ERV3-1: variants seen among roughly 807,000 people sequenced by gnomAD.
ERV3-1 encodes endogenous retrovirus group 3 member 1, envelope, also known as endogenous retrovirus group 3 member 1 Env polyprotein.
ERV3-1 carries 36 observed loss-of-function variants against 24.6 expected under a neutral mutation model. The ratio of observed to expected loss-of-function variants is 1.47; its 90% CI spans 1.12 to 1.94. The LOEUF is 1.94. Among genes scored for constraint, ERV3-1 ranks in the 30% most tolerant of loss-of-function variants. The pLI is 0.00. For synonymous variants in ERV3-1, 211 were observed against 122.6 expected, an observed-to-expected ratio of 1.72 and a Z score of -4.76; for missense variants, 578 against 330.9, an observed-to-expected ratio of 1.75 and a Z score of -5.79.
chr7:64,992,116 C>T lies in ERV3-1; in HGVS notation c.911G>A (p.Trp304Ter). The T allele has an allele frequency of 1.3e-6, 1 of 766,380 alleles. No homozygotes were observed. Among genetic ancestry groups the T allele is most frequent in the Non-Finnish European group, 2.4e-6 (1 of 417,900 alleles). The allele number at this position is 766,380 out of a possible 1,614,324, so 47.5% of individuals were successfully genotyped here. A position where few individuals can be genotyped will look rare whatever the true frequency, so the allele number is the denominator to read the frequency against. Reference sequence around the variant, plus strand: ...CATTAGTTCCCTTGCTTCCCATGGCCATTGGTCTCCCATGTTCATTCCCCC... The same window carrying T: ...CATTAGTTCCCTTGCTTCCCATGGCTATTGGTCTCCCATGTTCATTCCCCC... Reference protein sequence around the residue: ...VCGGMNMGDQWPWEARELMPQ... With the variant: ...VCGGMNMGDQ Residue 304 changes from tryptophan to a stop codon, truncating the protein, a stop_gained, in exon 2 of 2, where the codon TGG becomes TAG. Transcript: ENST00000394323. LOFTEE classifies it high-confidence loss of function.
rs571664326 is a variant in ERV3-1, at chr7:65,006,643, A to T, written c.-491T>A. ...CTGGGCCTCTAGGAGCAGAAGACAC[A>T]GAGCAGTGAAGACTACACCAGAAGC... On this transcript the variant is annotated 5_prime_UTR_variant, in exon 1 of 2. Transcript: ENST00000394323. 21 of 1,529,672 alleles carry T rather than the reference A, an allele frequency of 1.4e-5. No homozygotes were observed. In the South Asian group the frequency reaches 2.4e-4, roughly 17 times the overall value. The allele number at this position is 1,529,672 out of a possible 1,614,324, so 94.8% of individuals were successfully genotyped here.
rs770274475 is a variant in ERV3-1, at chr7:64,992,073, T to A, written c.954A>T (p.Thr318=). ...ARELMPQDNF[T]LTASSLEPAP... ...CAGGTTCGAGGGAAGAGGCGGTTAG[T>A]GTGAAATTATCTTGGGGCATTAGTT... Residue 318 remains threonine (T), a synonymous_variant, in exon 2 of 2, where the codon ACA becomes ACT. Transcript: ENST00000394323. The A allele has an allele frequency of 1.7e-5, 13 of 766,310 alleles. No individual in the cohort carries two copies. The highest frequency in any genetic ancestry group is 3.4e-5 in the Admixed American group (2 of 59,006). The allele number at this position is 766,310 out of a possible 1,614,324, so 47.5% of individuals were successfully genotyped here.
At position 64,993,038 on chromosome 7, in the gene ERV3-1, GC is replaced by G. The variant is rs1562652681; in HGVS notation, c.-13del. On this transcript the variant is annotated 5_prime_UTR_variant, in exon 2 of 2. Coordinates refer to ENST00000394323, the MANE Select transcript of ERV3-1 (RefSeq NM_001007253.4). Reference sequence around the variant, plus strand: ...TTCATACCCAGCATGGACAGAAAAGGCTTTTTCCTGGGGGGAGAAGGCTAAG... The same window carrying G: ...TTCATACCCAGCATGGACAGAAAAGGTTTTTCCTGGGGGGAGAAGGCTAAG... 1 of 728,152 alleles carries G rather than the reference GC, an allele frequency of 1.4e-6. No individual in the cohort carries two copies. Among genetic ancestry groups the G allele is most frequent in the Non-Finnish European group, 2.5e-6 (1 of 394,598 alleles). The allele number at this position is 728,152 out of a possible 1,614,324, so 45.1% of individuals were successfully genotyped here.
rs1302624676 is a variant in ERV3-1 at position 64,992,448 on chromosome 7, T to A, written c.579A>T (p.Lys193Asn). 2.6e-6 allele frequency: 2 copies of A among 766,308 alleles called. No individual in the cohort carries two copies. The highest frequency in any genetic ancestry group is 3.4e-5 in the African/African-American group (2 of 59,120). 47.5% of individuals were successfully genotyped at this position (766,308 alleles called of 1,614,324 possible). The change falls in exon 2 of 2, where the codon AAA (lysine) becomes AAT (asparagine). Residue 193 changes from lysine to asparagine, a missense_variant. Coordinates refer to ENST00000394323, the MANE Select transcript of ERV3-1 (RefSeq NM_001007253.4). ...LTKIPLEPDCKTSTCNSVNLT... is the reference protein window; with the variant it reads ...LTKIPLEPDCNTSTCNSVNLT... ...GATTTACAGAATTGCAAGTGCTTGT[T>A]TTACAATCTGGTTCTAATGGTATTT...
intron 1 of ERV3-1, among the ~76,000 whole-genome samples, chr7:65,003,250 A>T (rs988295285): frequency 6.6e-6 from 1 of 152,144 alleles, no homozygotes; most frequent in Admixed American, 6.6e-5. Flanking sequence ...ACATTTTGGG[A>T]GACCAAGGAT....
chr7:64,999,149 T>A (rs1488165626), intron 1 of ERV3-1, among the ~76,000 whole-genome samples: 2 of 152,130 alleles, frequency 1.3e-5, no homozygotes, highest in Admixed American at 6.6e-5. Context: ...AGTCCTGGAA[T>A]CGTCCTGTAG....
At chr7:65,001,309 T>C (rs752771327) in intron 1 of ERV3-1, among the ~76,000 whole-genome samples, 11 of 152,162 alleles carry the variant, frequency 7.2e-5, no homozygotes, top group Non-Finnish European at 1.3e-4. Context: ...CAGATGAGAT[T>C]ATGAACAGGT....
At chr7:64,999,803 A>G (rs1786480963) in intron 1 of ERV3-1, among the ~76,000 whole-genome samples, 1 of 152,220 alleles carries the variant, frequency 6.6e-6, no homozygotes, top group Non-Finnish European at 1.5e-5. Flanking sequence ...CCTGGAGCCC[A>G]TTCTTTTGGG....
chr7:64,998,826 C>T (rs1401540598), intron 1 of ERV3-1, among the ~76,000 whole-genome samples: 2 of 152,178 alleles, frequency 1.3e-5, no homozygotes, highest in Admixed American at 1.3e-4. Flanking sequence ...ACACTTCACT[C>T]AGATGGTACA....
intron 1 of ERV3-1, among the ~76,000 whole-genome samples, chr7:64,999,075 C>G (rs73141510): frequency 6.6e-6 from 1 of 152,174 alleles, no homozygotes; most frequent in Non-Finnish European, 1.5e-5. Context: ...ATCAGGCTCC[C>G]CTTCCATCCT....
rs199665706 is a variant in ERV3-1, at chr7:64,991,703, T to C, written c.1324A>G (p.Ile442Val). The C allele has an allele frequency of 1.5e-5, 11 of 755,100 alleles. No homozygotes were observed. The highest frequency in any genetic ancestry group is 3.4e-5 in the African/African-American group (2 of 59,088). 46.8% of individuals were successfully genotyped at this position (755,100 alleles called of 1,614,324 possible). Residue 442 changes from isoleucine (I) to valine (V), a missense_variant, in exon 2 of 2, where the codon ATT becomes GTT. Physicochemically the swap from Ile to Val is conservative, Grantham distance 29. Transcript: ENST00000394323. ...KWSGACVLGTIRPSFFLMPLK... is the reference protein window; with the variant it reads ...KWSGACVLGTVRPSFFLMPLK... ...GGCATTAGGAAGAAGGACGGCCTAA[T>C]TGTCCCCAGTACACAGGCCCCTGAC...
chr7:64,996,033 C>T (rs999317675), intron 1 of ERV3-1, among the ~76,000 whole-genome samples: 4 of 152,314 alleles, frequency 2.6e-5, no homozygotes, highest in African/African-American at 4.8e-5. Context: ...CAGGTAGAGA[C>T]AGAAGAAAGC....
At position 65,006,633 on chromosome 7, in the gene ERV3-1, C is replaced by A. The variant is rs141465423; in HGVS notation, c.-481G>T. 8.5e-6 allele frequency: 13 copies of A among 1,537,576 alleles called. No homozygotes were observed. The highest frequency in any genetic ancestry group is 1.7e-4 in the Middle Eastern group (1 of 5,864). ...GCCACAGAAGCTGGGCCTCTAGGAG[C>A]AGAAGACACAGAGCAGTGAAGACTA... is the stretch of plus-strand genomic sequence containing the variant. On this transcript the variant is annotated 5_prime_UTR_variant, in exon 1 of 2. Coordinates refer to ENST00000394323, the MANE Select transcript of ERV3-1 (RefSeq NM_001007253.4).
At chr7:64,997,623 GC>G (rs1786432735) in intron 1 of ERV3-1, among the ~76,000 whole-genome samples, 2 of 152,110 alleles carry the variant, frequency 1.3e-5, no homozygotes. Flanking sequence ...CTGGGAATTG[GC>G]CCTGAGCATA....
intron 1 of ERV3-1, chr7:65,003,904 T>A (rs1160479886): frequency 6.6e-6 from 1 of 152,306 alleles, no homozygotes; most frequent in Middle Eastern, 3.4e-3. Context: ...GATGTTTTCA[T>A]GAATGTAACT....
intron 1 of ERV3-1, among the ~76,000 whole-genome samples, chr7:65,003,012 A>G (rs1423865856): frequency 1.3e-5 from 2 of 152,324 alleles, no homozygotes; most frequent in African/African-American, 4.8e-5. Context: ...TAACAATTTC[A>G]TCTGCAGTAA....
intron 1 of ERV3-1, 154 bp downstream of exon 1, chr7:65,006,387 G>A: frequency 7.8e-7 from 1 of 1,279,290 alleles, no homozygotes; most frequent in Non-Finnish European, 1.1e-6. Flanking sequence ...TCCTATGGCT[G>A]AAGGGGACTG....
At position 64,991,254 on chromosome 7, in the gene ERV3-1, G is replaced by A. The variant is rs376628112; in HGVS notation, c.1773C>T (p.Ile591=). The stretch of plus-strand genomic sequence containing the variant: ...GAACTGGGATGTGAGCTAACTTTTG[G>A]ATTTTAGCAGTTATTTCTTTGATGA... The part of the protein sequence containing the change: ...GKVIKEITAK[I]QKLAHIPVQT... Residue 591 remains isoleucine (I), a synonymous_variant, in exon 2 of 2, where the codon ATC becomes ATT. Transcript: ENST00000394323. 4.0e-6 allele frequency: 3 copies of A among 748,752 alleles called. No homozygotes were observed. The highest frequency in any genetic ancestry group is 7.3e-6 in the Non-Finnish European group (3 of 408,700). The allele number at this position is 748,752 out of a possible 1,614,324, so 46.4% of individuals were successfully genotyped here.
In ERV3-1 at chr7:64,996,852, C is replaced by T. The variant is rs533555907; in HGVS notation, c.-388-3438G>A. Among the ~76,000 whole-genome samples, 17 of 152,206 alleles carry T rather than the reference C, an allele frequency of 1.1e-4. 1 individual carries two copies. Among genetic ancestry groups the T allele is most frequent in the Non-Finnish European group, 2.1e-4 (14 of 68,042 alleles). ...ATAAAGTTCATTAGCTGGCCTCCTA[C>T]TTCTAATGTGACCATGGGCTCCTGG... On this transcript the variant is annotated intron_variant, in intron 1 of 1. Transcript: ENST00000394323.
Sources: allele counts gnomAD v4.1 joint callset (sites outside exome capture counted in the v4.1 genomes callset), GRCh38; gene constraint gnomAD v4.1.1; transcripts MANE v1.5; gene names NCBI Gene and HGNC (gene_info 2026-07-23, HGNC 2026-07-21).